The following NRXN1 variants were observed in gnomAD, a reference collection of about 807,000 sequenced individuals.
NRXN1 encodes the protein neurexin-1.
Under a neutral mutation model 150.9 loss-of-function variants are expected in NRXN1, and 39 were observed. The observed-to-expected ratio is 0.26, with a 90% confidence interval of 0.20 to 0.34. The LOEUF (loss-of-function observed/expected upper bound fraction) is 0.34. Ranked by LOEUF, NRXN1 falls within the 10% of genes least tolerant of loss-of-function variation. NRXN1 has a pLI of 1.00. For synonymous variants in NRXN1, 924 were observed against 757.0 expected (o/e 1.22, Z -3.62); for missense variants, 1,815 against 1,949.9 (o/e 0.93, Z 1.30).
intron 17 of NRXN1, among the ~76,000 whole-genome samples, chr2:50,373,564 A>G (rs981410339): frequency 2.0e-5 from 3 of 150,006 alleles, no homozygotes; most frequent in Non-Finnish European, 3.0e-5. Flanking sequence ...TTCAATTTTT[A>G]TAGAGAGCCC....
intron 2 of NRXN1, among the ~76,000 whole-genome samples, chr2:50,938,741 T>C (rs1688924523): frequency 6.6e-6 from 1 of 152,066 alleles, no homozygotes; most frequent in Non-Finnish European, 1.5e-5. Flanking sequence ...AAAAAGTCAA[T>C]AAACATGAGG....
At chr2:50,998,513 T>C (rs1159450413) in intron 2 of NRXN1, among the ~76,000 whole-genome samples, 1 of 152,062 alleles carries the variant, frequency 6.6e-6, no homozygotes, top group African/African-American at 2.4e-5. Context: ...ACTCACCCCT[T>C]ATCCTATTTG....
intron 17 of NRXN1, among the ~76,000 whole-genome samples, chr2:50,378,025 A>C (rs939337990): frequency 6.6e-6 from 1 of 152,206 alleles, no homozygotes; most frequent in African/African-American, 2.4e-5. Context: ...GCCAAGAATC[A>C]TGGAATCTTC....
intron 5 of NRXN1, among the ~76,000 whole-genome samples, chr2:50,899,707 A>G (rs1460860434): frequency 1.3e-5 from 2 of 152,210 alleles, no homozygotes; most frequent in East Asian, 1.9e-4. Context: ...ATGTGACAAC[A>G]GACTATACAA....
intron 17 of NRXN1, among the ~76,000 whole-genome samples, chr2:50,357,978 T>C (rs567764910): frequency 6.6e-6 from 1 of 152,052 alleles, no homozygotes; most frequent in East Asian, 2.0e-4. Context: ...CACAAGGAGA[T>C]GGGGAACTCC....
chr2:50,401,843 C>T (rs2082410345), intron 17 of NRXN1, among the ~76,000 whole-genome samples: 1 of 152,128 alleles, frequency 6.6e-6, no homozygotes, highest in Non-Finnish European at 1.5e-5. Context: ...ATTTCAATAT[C>T]TTGCTATATT....
rs1553457970 is a variant in NRXN1 at position 50,334,192 on chromosome 2, A to ATTTTATATATATATATATATATATAT, written c.3365-97223_3365-97222insATATATATATATATATATATATAAAA. Among the ~76,000 whole-genome samples the ATTTTATATATATATATATATATATAT allele has an allele frequency of 2.4e-4, 29 of 118,972 alleles. 2 individuals are homozygous for ATTTTATATATATATATATATATATAT. The highest frequency in any genetic ancestry group is 5.6e-4 in the African/African-American group (13 of 23,180). 78.1% of individuals were successfully genotyped at this position (118,972 alleles called of 152,430 possible). ...CTGCCTTTCCTTAAGACCAGGACCA[A>ATTTTATATATATATATATATATATAT]ATATATATATATATATATATGTATG... is the stretch of plus-strand genomic sequence containing the variant. On this transcript the variant is annotated intron_variant, in intron 17 of 22. Coordinates refer to ENST00000401669, the MANE Select transcript of NRXN1 (RefSeq NM_001330078.2).
chr2:50,067,845 C>T lies in NRXN1; in HGVS notation c.3719-12801G>A, dbSNP rs948134723. Among the ~76,000 whole-genome samples the T allele has an allele frequency of 1.0e-3, 158 of 152,170 alleles. 1 individual carries two copies. The highest frequency in any genetic ancestry group is 0.01 in the Admixed American group (155 of 15,276). On this transcript the variant is annotated intron_variant, in intron 19 of 22. Coordinates refer to ENST00000401669, the MANE Select transcript of NRXN1 (RefSeq NM_001330078.2). Reference sequence around the variant, plus strand: ...ATGTCATAACATTTAAACCTATCCGCTCTAATAAAAACCTAAATATATATT... The same window carrying T: ...ATGTCATAACATTTAAACCTATCCGTTCTAATAAAAACCTAAATATATATT...
At chr2:50,377,033 T>G (rs1291030585) in intron 17 of NRXN1, among the ~76,000 whole-genome samples, 1 of 152,012 alleles carries the variant, frequency 6.6e-6, no homozygotes, top group Non-Finnish European at 1.5e-5. Context: ...ACGTCATTAT[T>G]GACCATTTTT....
intron 17 of NRXN1, among the ~76,000 whole-genome samples, chr2:50,301,933 C>G (rs149019660): frequency 6.6e-6 from 1 of 152,114 alleles, no homozygotes. Flanking sequence ...CAAAGTCTTT[C>G]CAAAGATCTC....
At chr2:50,278,242 A>T (rs7421520) in intron 17 of NRXN1, among the ~76,000 whole-genome samples, 1,948 of 118,008 alleles carry the variant, frequency 0.017, 53 homozygotes, top group African/African-American at 0.057. Flanking sequence ...TATATATATA[A>T]TATATATATA....
chr2:50,915,018 A>C (rs757426058), intron 5 of NRXN1, among the ~76,000 whole-genome samples: 3 of 151,634 alleles, frequency 2.0e-5, no homozygotes, highest in Non-Finnish European at 4.4e-5. Flanking sequence ...GTATGTTAAA[A>C]GATAGTAATT....
chr2:50,384,505 CAAAAAAAAA>C (rs56052881), intron 17 of NRXN1, among the ~76,000 whole-genome samples: 1,489 of 55,726 alleles, frequency 0.027, 24 homozygotes, highest in African/African-American at 0.091. Context: ...GACTCCATCT[CAAAAAAAAA>C]AAAAAAAAAA....
intron 21 of NRXN1, among the ~76,000 whole-genome samples, chr2:49,979,170 A>C (rs1440553889): frequency 6.6e-6 from 1 of 152,094 alleles, no homozygotes. Flanking sequence ...GGTGGCATGC[A>C]CCTGTAATCT....
intron 5 of NRXN1, among the ~76,000 whole-genome samples, chr2:50,711,110 C>T (rs1574198140): frequency 6.6e-6 from 1 of 152,144 alleles, no homozygotes; most frequent in South Asian, 2.1e-4. Flanking sequence ...GCACTCTTAA[C>T]CCTTAACCCT....
At chr2:50,807,139 A>T (rs998089967) in intron 5 of NRXN1, among the ~76,000 whole-genome samples, 1 of 152,138 alleles carries the variant, frequency 6.6e-6, no homozygotes, top group African/African-American at 2.4e-5. Context: ...GAATCATATT[A>T]TTCTATTACT....
chr2:50,593,358 G>C (rs1340479548), intron 8 of NRXN1, among the ~76,000 whole-genome samples: 1 of 152,034 alleles, frequency 6.6e-6, no homozygotes, highest in East Asian at 1.9e-4. Context: ...TCCCAGCAGG[G>C]AACTAGTATG....
chr2:50,614,805 T>C (rs2104154322), intron 8 of NRXN1, among the ~76,000 whole-genome samples: 1 of 146,392 alleles, frequency 6.8e-6, no homozygotes, highest in African/African-American at 2.5e-5. Flanking sequence ...AGTGCATAAA[T>C]TGAGAAGCCT....
intron 17 of NRXN1, among the ~76,000 whole-genome samples, chr2:50,420,446 C>T (rs573359793): frequency 6.6e-6 from 1 of 151,770 alleles, no homozygotes; most frequent in East Asian, 1.9e-4. Flanking sequence ...AAAAACCAAG[C>T]AAACAAAAAT....
Sources: allele counts gnomAD v4.1 joint callset (sites outside exome capture counted in the v4.1 genomes callset), GRCh38; gene constraint gnomAD v4.1.1; transcripts MANE v1.5; gene names NCBI Gene and HGNC (gene_info 2026-07-23, HGNC 2026-07-21).